Variants in PLCXD3 observed in about 807,000 individuals in gnomAD.
The protein encoded by PLCXD3 is phosphatidylinositol specific phospholipase C X domain containing 3.
Under a neutral mutation model 25.5 loss-of-function variants are expected in PLCXD3, and 19 were observed. The observed-to-expected ratio is 0.75, with a 90% CI of 0.52 to 1.09. PLCXD3 has a LOEUF of 1.09. Ranked by LOEUF, PLCXD3 falls within the 50% of genes least tolerant of loss-of-function variation. PLCXD3 has a pLI of 0.00. For missense variants in PLCXD3, 411 were observed against 388.1 expected (o/e 1.06, Z -0.50); for synonymous variants, 174 against 137.6 (o/e 1.26, Z -1.85).
At chr5:41,490,359 G>A (rs1475865738) in intron 1 of PLCXD3, among the ~76,000 whole-genome samples, 1 of 152,116 alleles carries the variant, frequency 6.6e-6, no homozygotes, top group Non-Finnish European at 1.5e-5. Context: ...GAGGATTTTT[G>A]CTTCAATGTT....
chr5:41,313,969 T>C (rs914207888), intron 2 of PLCXD3, among the ~76,000 whole-genome samples, 199 bp from the exon 3 acceptor site: 1 of 152,198 alleles, frequency 6.6e-6, no homozygotes, highest in Non-Finnish European at 1.5e-5. Context: ...ATTCACTATA[T>C]TGATCCGTAT....
At chr5:41,426,977 G>C (rs914463299) in intron 1 of PLCXD3, among the ~76,000 whole-genome samples, 2 of 152,034 alleles carry the variant, frequency 1.3e-5, no homozygotes, top group African/African-American at 4.8e-5. Flanking sequence ...TAATGATTTT[G>C]AGAATTCTGC....
chr5:41,441,393 T>C (rs533108091), intron 1 of PLCXD3, among the ~76,000 whole-genome samples: 35 of 152,314 alleles, frequency 2.3e-4, no homozygotes, highest in Middle Eastern at 3.4e-3. Flanking sequence ...AAAGAAGAAA[T>C]GCATTGGGAA....
intron 1 of PLCXD3, among the ~76,000 whole-genome samples, chr5:41,433,480 T>C (rs944813161): frequency 6.6e-6 from 1 of 152,110 alleles, no homozygotes; most frequent in African/African-American, 2.4e-5. Context: ...TATTGTAAAG[T>C]ATTCCCCTCA....
At position 41,462,264 on chromosome 5, in the gene PLCXD3, A is replaced by G. The variant is rs74992589; in HGVS notation, c.103+48160T>C. On this transcript the variant is annotated intron_variant, in intron 1 of 2. Coordinates refer to ENST00000377801, the MANE Select transcript of PLCXD3 (RefSeq NM_001005473.3). Reference sequence around the variant, plus strand: ...AAAACATAGCTAACATTTTACACTTATCAGATTGCCAAGAGAACAGAACTA... The same window carrying G: ...AAAACATAGCTAACATTTTACACTTGTCAGATTGCCAAGAGAACAGAACTA... Among the ~76,000 whole-genome samples, 574 of 152,150 alleles carry G rather than the reference A, an allele frequency of 3.8e-3. 6 individuals are homozygous for G. The highest frequency in any genetic ancestry group is 0.012 in the African/African-American group (483 of 41,542).
chr5:41,486,277 G>A (rs1022783575), intron 1 of PLCXD3, among the ~76,000 whole-genome samples: 9 of 151,474 alleles, frequency 5.9e-5, no homozygotes, highest in African/African-American at 2.2e-4. Flanking sequence ...ATTAGACTCT[G>A]TTTCCTCTGC....
chr5:41,323,274 A>T (rs4957390), intron 2 of PLCXD3, among the ~76,000 whole-genome samples: 10,447 of 152,236 alleles, frequency 0.069, 690 homozygotes, highest in East Asian at 0.35. Context: ...TATAAAAAAA[A>T]GTTAGAAAGA....
At chr5:41,491,639 T>G (rs530497175) in intron 1 of PLCXD3, among the ~76,000 whole-genome samples, 9 of 152,230 alleles carry the variant, frequency 5.9e-5, no homozygotes, top group African/African-American at 1.7e-4. Flanking sequence ...GCATATATAT[T>G]TAGGATAGTT....
chr5:41,355,871 G>T (rs1744602967), intron 2 of PLCXD3, among the ~76,000 whole-genome samples: 1 of 152,144 alleles, frequency 6.6e-6, no homozygotes, highest in African/African-American at 2.4e-5. Flanking sequence ...CACCATCAAA[G>T]ATGAGTTTCC....
chr5:41,478,708 A>G (rs1394682773), intron 1 of PLCXD3, among the ~76,000 whole-genome samples: 1 of 152,212 alleles, frequency 6.6e-6, no homozygotes, highest in African/African-American at 2.4e-5. Context: ...GTATTAGTCT[A>G]TTATCTTACT....
intron 1 of PLCXD3, among the ~76,000 whole-genome samples, chr5:41,436,658 C>A (rs1011945617): frequency 6.6e-6 from 1 of 152,114 alleles, no homozygotes; most frequent in Non-Finnish European, 1.5e-5. Context: ...GCAACAAAAC[C>A]ACCACCTACT....
intron 1 of PLCXD3, among the ~76,000 whole-genome samples, chr5:41,463,212 C>T (rs1747934683): frequency 6.6e-6 from 1 of 151,702 alleles, no homozygotes; most frequent in African/African-American, 2.4e-5. Flanking sequence ...TAACAAAGTA[C>T]CACAGACTTG....
chr5:41,373,241 A>G (rs574323593), intron 2 of PLCXD3, among the ~76,000 whole-genome samples: 2 of 152,204 alleles, frequency 1.3e-5, no homozygotes, highest in East Asian at 3.9e-4. Context: ...TCCTCAACAG[A>G]GACAGCAAAT....
chr5:41,367,314 T>C (rs1561247593), intron 2 of PLCXD3, among the ~76,000 whole-genome samples: 1 of 152,220 alleles, frequency 6.6e-6, no homozygotes, highest in Admixed American at 6.5e-5. Context: ...GTTTCTTGAC[T>C]TTGTAATAAT....
At chr5:41,339,606 C>T (rs1460213291) in intron 2 of PLCXD3, among the ~76,000 whole-genome samples, 1 of 151,980 alleles carries the variant, frequency 6.6e-6, no homozygotes. Context: ...AGGGCTTGTG[C>T]TCACTTTAGC....
chr5:41,389,707 G>A (rs923351095), intron 1 of PLCXD3, among the ~76,000 whole-genome samples: 1 of 151,790 alleles, frequency 6.6e-6, no homozygotes, highest in Non-Finnish European at 1.5e-5. Context: ...AGGAAACCAT[G>A]GTCAGTATAA....
At chr5:41,440,444 G>C (rs1006765953) in intron 1 of PLCXD3, among the ~76,000 whole-genome samples, 1 of 151,676 alleles carries the variant, frequency 6.6e-6, no homozygotes, top group Non-Finnish European at 1.5e-5. Flanking sequence ...TGTTGGCCAG[G>C]CTGGTCTTGA....
At position 41,503,109 on chromosome 5, in the gene PLCXD3, A is replaced by G. The variant is rs74472792; in HGVS notation, c.103+7315T>C. ...CCTCTAAATGGCAGCATGGGTGTAT[A>G]GCCTGAGACATGCATTGAAGATAAG... On this transcript the variant is annotated intron_variant, in intron 1 of 2. Coordinates refer to ENST00000377801, the MANE Select transcript of PLCXD3 (RefSeq NM_001005473.3). Among the ~76,000 whole-genome samples the G allele has an allele frequency of 9.1e-3, 1,382 of 152,272 alleles. 23 individuals are homozygous for G. The highest frequency in any genetic ancestry group is 0.031 in the African/African-American group (1,302 of 41,542).
intron 1 of PLCXD3, among the ~76,000 whole-genome samples, chr5:41,419,030 G>C (rs1746756416): frequency 6.6e-6 from 1 of 152,164 alleles, no homozygotes; most frequent in African/African-American, 2.4e-5. Context: ...CTCGATTGTA[G>C]ACAGTAGGTT....
Sources: allele counts gnomAD v4.1 joint callset (sites outside exome capture counted in the v4.1 genomes callset), GRCh38; gene constraint gnomAD v4.1.1; transcripts MANE v1.5; gene names NCBI Gene and HGNC (gene_info 2026-07-23, HGNC 2026-07-21).